ADAMTSL3: variants seen among roughly 807,000 people sequenced by gnomAD.
ADAMTSL3 encodes ADAMTS-like protein 3.
ADAMTSL3 carries 128 observed loss-of-function variants against 201.7 expected under a neutral mutation model. The ratio of observed to expected loss-of-function variants is 0.63; its 90% confidence interval spans 0.55 to 0.73. ADAMTSL3 has a LOEUF of 0.73. Ranked by LOEUF, ADAMTSL3 falls within the 30% of genes least tolerant of loss-of-function variation. ADAMTSL3 has a pLI of 0.00. For missense variants in ADAMTSL3, 1,990 were observed against 2,119.6 expected, an observed-to-expected ratio of 0.94 and a Z score of 1.20; for synonymous variants, 738 against 748.4, an observed-to-expected ratio of 0.99 and a Z score of 0.23.
chr15:83,704,318 C>T (rs2061817988), intron 2 of ADAMTSL3, 71 bp from the exon 3 acceptor site: 3 of 1,603,194 alleles, frequency 1.9e-6, no homozygotes, highest in Middle Eastern at 1.7e-4. Flanking sequence ...CTGGAATGGC[C>T]TTCTTGGACT....
intron 21 of ADAMTSL3, among the ~76,000 whole-genome samples, chr15:83,984,969 A>T (rs543185283): frequency 1.1e-3 from 167 of 152,378 alleles, no homozygotes; most frequent in Non-Finnish European, 1.7e-3. Flanking sequence ...CTAAAACTAG[A>T]CAAAGGGTCA....
chr15:83,954,903 G>A (rs1452061634), intron 19 of ADAMTSL3, among the ~76,000 whole-genome samples: 3 of 152,196 alleles, frequency 2.0e-5, no homozygotes, highest in Admixed American at 6.5e-5. Flanking sequence ...GGTGATGCAA[G>A]CACCCCTATG....
intron 16 of ADAMTSL3, among the ~76,000 whole-genome samples, chr15:83,918,629 T>C (rs971397872): frequency 1.3e-5 from 2 of 152,082 alleles, no homozygotes; most frequent in African/African-American, 2.4e-5. Context: ...GTTGGAGTAC[T>C]GAGAATGAGA....
At chr15:83,799,743 T>C (rs772602896) in intron 4 of ADAMTSL3, among the ~76,000 whole-genome samples, 3 of 152,214 alleles carry the variant, frequency 2.0e-5, no homozygotes, top group Non-Finnish European at 4.4e-5. Flanking sequence ...TTGTAATGGA[T>C]AGAAAATACA....
chr15:83,811,284 C>CT, intron 5 of ADAMTSL3, among the ~76,000 whole-genome samples: 1 of 152,170 alleles, frequency 6.6e-6, no homozygotes, highest in Non-Finnish European at 1.5e-5. Context: ...TTTGGTCTGA[C>CT]AATTTCCTTG....
Position 83,773,508 on chromosome 15 carries a change from CTT to C in ADAMTSL3, c.190-11_190-10del. ...GTGTGGTTTTTTTTTTGTTTGTTTG[CTT>C]TTTAACATCTAGACCTCAAGAAACA... On this transcript the variant is annotated splice_polypyrimidine_tract_variant and intron_variant, in intron 3 of 29. Transcript: ENST00000286744. 1.2e-6 allele frequency: 2 copies of C among 1,603,734 alleles called. No individual in the cohort carries two copies. The highest frequency in any genetic ancestry group is 8.5e-7 in the Non-Finnish European group (1 of 1,176,166).
At chr15:84,008,919 C>A (rs896850336) in intron 23 of ADAMTSL3, among the ~76,000 whole-genome samples, 1 of 152,086 alleles carries the variant, frequency 6.6e-6, no homozygotes, top group African/African-American at 2.4e-5. Flanking sequence ...TTTTTACTCG[C>A]TTTCCTCTCT....
intron 2 of ADAMTSL3, among the ~76,000 whole-genome samples, chr15:83,657,507 C>T (rs764860941): frequency 2.0e-5 from 3 of 152,182 alleles, no homozygotes; most frequent in South Asian, 2.1e-4. Context: ...GTCTCTGCAT[C>T]GCATCTCAGT....
chr15:83,847,007 T>G (rs141688260), intron 7 of ADAMTSL3, among the ~76,000 whole-genome samples: 241 of 152,284 alleles, frequency 1.6e-3, no homozygotes, highest in Non-Finnish European at 2.3e-3. Flanking sequence ...ACCATGGTCT[T>G]TTGAGGTAAA....
At chr15:83,998,577 T>TG (rs1352279038) in intron 23 of ADAMTSL3, among the ~76,000 whole-genome samples, 1 of 152,206 alleles carries the variant, frequency 6.6e-6, no homozygotes, top group Admixed American at 6.5e-5. Flanking sequence ...ACAAGTTCAC[T>TG]GGGGGGAAAG....
At chr15:83,906,308 A>AT (rs746513033) in intron 15 of ADAMTSL3, among the ~76,000 whole-genome samples, 2 of 152,018 alleles carry the variant, frequency 1.3e-5, no homozygotes, top group African/African-American at 2.4e-5. Flanking sequence ...TCAGAACTGC[A>AT]TTTTTTCTAA....
chr15:83,929,703 GAGAGAC>G (rs1322990989), intron 17 of ADAMTSL3, among the ~76,000 whole-genome samples: 3 of 132,882 alleles, frequency 2.3e-5, no homozygotes, highest in African/African-American at 8.3e-5. Flanking sequence ...CACACACAGA[GAGAGAC>G]AGAGAGAGAC....
intron 2 of ADAMTSL3, among the ~76,000 whole-genome samples, chr15:83,669,029 A>G (rs1168557973): frequency 6.6e-6 from 1 of 152,198 alleles, no homozygotes; most frequent in Non-Finnish European, 1.5e-5. Flanking sequence ...AAACATCCTT[A>G]CCTACTATGA....
intron 19 of ADAMTSL3, among the ~76,000 whole-genome samples, chr15:83,955,924 C>T (rs1446564637): frequency 6.6e-6 from 1 of 152,050 alleles, no homozygotes; most frequent in Non-Finnish European, 1.5e-5. Context: ...GCTGCCCCAT[C>T]TGGTGTGTCA....
intron 2 of ADAMTSL3, among the ~76,000 whole-genome samples, chr15:83,703,479 C>G (rs948053773): frequency 8.6e-5 from 13 of 152,012 alleles, no homozygotes; most frequent in African/African-American, 3.1e-4. Context: ...TGGGAGGGAC[C>G]CGGTGGGAGA....
At chr15:83,658,274 A>G (rs1354537946) in intron 2 of ADAMTSL3, among the ~76,000 whole-genome samples, 1 of 152,062 alleles carries the variant, frequency 6.6e-6, no homozygotes, top group African/African-American at 2.4e-5. Flanking sequence ...ACATCCAGCT[A>G]ATTTTTGTAT....
intron 25 of ADAMTSL3, among the ~76,000 whole-genome samples, chr15:84,019,443 G>A (rs1296035476): frequency 2.0e-5 from 3 of 152,060 alleles, no homozygotes; most frequent in African/African-American, 7.2e-5. Context: ...GTTCATGAAT[G>A]TTCAACTTAT....
chr15:83,686,071 C>G (rs1412009629), intron 2 of ADAMTSL3, among the ~76,000 whole-genome samples: 1 of 152,190 alleles, frequency 6.6e-6, no homozygotes, highest in African/African-American at 2.4e-5. Flanking sequence ...AGCCAAGTAG[C>G]AGACGCCTCT....
chr15:84,020,273 G>A (rs1596544685), intron 25 of ADAMTSL3, among the ~76,000 whole-genome samples: 3 of 152,062 alleles, frequency 2.0e-5, no homozygotes, highest in Non-Finnish European at 2.9e-5. Flanking sequence ...GATCCAGTCC[G>A]GCTAACAGGT....
Sources: allele counts gnomAD v4.1 joint callset (sites outside exome capture counted in the v4.1 genomes callset), GRCh38; gene constraint gnomAD v4.1.1; transcripts MANE v1.5; gene names NCBI Gene and HGNC (gene_info 2026-07-23, HGNC 2026-07-21).